IFT122: variants seen among roughly 807,000 people sequenced by gnomAD.
IFT122 encodes intraflagellar transport 122.
A neutral mutation model predicts 161.6 loss-of-function variants in IFT122; 118 were observed. The observed-to-expected ratio is 0.73, with a 90% CI of 0.63 to 0.85. IFT122 has a LOEUF of 0.85. IFT122 is among the 40% of genes least tolerant of loss of function. The pLI, the probability that IFT122 is intolerant of heterozygous loss-of-function variation, is 0.00. For synonymous variants in IFT122, 550 were observed against 602.4 expected, an observed-to-expected ratio of 0.91 and a Z score of 1.27; for missense variants, 1,381 against 1,579.6, an observed-to-expected ratio of 0.87 and a Z score of 2.13.
chr3:129,504,366 C>T lies in IFT122; in HGVS notation c.2595C>T (p.Tyr865=), dbSNP rs748019891. The change falls in exon 21 of 30, where the codon TAC becomes TAT. Residue 865 remains tyrosine (Y), a synonymous_variant. Transcript: ENST00000348417. ...EKHPEFKDDI[Y]MPYAQWLAEN... ...ATCCTGAGTTTAAGGATGACATCTA[C>T]ATGCCGTATGCTCAGTGGCTAGCAG... The T allele has an allele frequency of 1.2e-6, 2 of 1,614,016 alleles. No homozygotes were observed. Among genetic ancestry groups the T allele is most frequent in the African/African-American group, 2.7e-5 (2 of 74,930 alleles).
chr3:129,442,483 G>A (rs992726195), intron 1 of IFT122, among the ~76,000 whole-genome samples: 19 of 151,874 alleles, frequency 1.3e-4, no homozygotes, highest in African/African-American at 4.6e-4. Flanking sequence ...CAACCTATTA[G>A]GATAAGGGAT....
chr3:129,486,326 T>A (rs761164676), intron 15 of IFT122, among the ~76,000 whole-genome samples: 1 of 152,208 alleles, frequency 6.6e-6, no homozygotes, highest in Non-Finnish European at 1.5e-5. Context: ...CTAGAGCAAC[T>A]CATTTCACTC....
At chr3:129,515,340 G>T in intron 25 of IFT122, 148 bp from the exon 26 acceptor site, 1 of 713,922 alleles carries the variant, frequency 1.4e-6, no homozygotes, top group South Asian at 1.5e-5. Flanking sequence ...ATGGCATGGA[G>T]CTCCTGGGCC....
chr3:129,513,944 G>T (rs775404805), intron 24 of IFT122: 2 of 340,674 alleles, frequency 5.9e-6, no homozygotes, highest in Non-Finnish European at 1.2e-5. Flanking sequence ...CAGACAGAGT[G>T]GGGTACACCC....
intron 19 of IFT122, 97 bp from the exon 20 acceptor site, chr3:129,502,614 A>C: frequency 7.3e-7 from 1 of 1,374,376 alleles, no homozygotes; most frequent in Non-Finnish European, 1.0e-6. Flanking sequence ...GGGCCATGGC[A>C]TAGTATCAAC....
intron 27 of IFT122, among the ~76,000 whole-genome samples, chr3:129,517,987 A>G (rs2084210268): frequency 2.6e-5 from 4 of 152,196 alleles, no homozygotes; most frequent in South Asian, 4.1e-4. Context: ...ACAGAGTCCA[A>G]AACTGACAAG....
At position 129,478,209 on chromosome 3, in the gene IFT122, C is replaced by T. The variant is rs1453541953; in HGVS notation, c.1341C>T (p.Ile447=). ...NLLVVCANHI[I]LCQEKRLQCL... Reference sequence around the variant, plus strand: ...TGGTGGTGTGTGCCAATCACATCATCCTGTGCCAGGTGGGCAGCAGCATGT... The same window carrying T: ...TGGTGGTGTGTGCCAATCACATCATTCTGTGCCAGGTGGGCAGCAGCATGT... The change falls in exon 12 of 30, where the codon ATC becomes ATT. Residue 447 remains isoleucine (I), a synonymous_variant. Transcript: ENST00000348417. 6.2e-7 allele frequency: 1 copy of T among 1,613,930 alleles called. No homozygotes were observed. Among genetic ancestry groups the T allele is most frequent in the East Asian group, 2.2e-5 (1 of 44,892 alleles).
At chr3:129,511,602 G>A (rs1277615492) in intron 23 of IFT122, among the ~76,000 whole-genome samples, 1 of 152,210 alleles carries the variant, frequency 6.6e-6, no homozygotes, top group African/African-American at 2.4e-5. Context: ...TTAACCTTTT[G>A]TAGACCCTCA....
intron 6 of IFT122, 106 bp downstream of exon 6, chr3:129,463,732 G>A: frequency 1.1e-6 from 1 of 897,956 alleles, no homozygotes; most frequent in Non-Finnish European, 1.8e-6. Context: ...TAGGTAGTTG[G>A]TTTAGGCCCC....
intron 20 of IFT122, chr3:129,503,907 C>G: frequency 3.0e-6 from 1 of 331,646 alleles, no homozygotes; most frequent in South Asian, 2.5e-5. Context: ...CCATACAGCA[C>G]GAAGCCCACA....
In IFT122 at chr3:129,458,505, AG is replaced by A. The variant is rs1210778408; in HGVS notation, c.194-92del. ...ACTAGGAAAGAAGCTAACACTTACT[AG>A]GTACCTTAAAGAACTAGTTTTCTAA... On this transcript the variant is annotated intron_variant, in intron 3 of 29. Coordinates refer to ENST00000348417, the MANE Select transcript of IFT122 (RefSeq NM_052989.3). 15 of 990,784 alleles carry A rather than the reference AG, an allele frequency of 1.5e-5. No homozygotes were observed. In the African/African-American group the frequency reaches 2.1e-4, roughly 14 times the overall value. 61.4% of individuals were successfully genotyped at this position (990,784 alleles called of 1,614,324 possible). A position where few individuals can be genotyped will look rare whatever the true frequency, so the allele number is the denominator to read the frequency against.
At chr3:129,469,251 G>C in intron 8 of IFT122, 91 bp from the exon 9 acceptor site, 1 of 1,161,960 alleles carries the variant, frequency 8.6e-7, no homozygotes, top group Non-Finnish European at 1.3e-6. Flanking sequence ...CTGAGGCCAG[G>C]ACTTCCTTGT....
chr3:129,499,849 G>A (rs2081327292), intron 18 of IFT122, 53 bp from the exon 19 acceptor site: 4 of 1,605,726 alleles, frequency 2.5e-6, no homozygotes, highest in Non-Finnish European at 2.6e-6. Flanking sequence ...CTGATGTAAC[G>A]CTGGCACAGG....
intron 6 of IFT122, among the ~76,000 whole-genome samples, chr3:129,464,275 A>G (rs1323049842): frequency 6.6e-6 from 1 of 152,204 alleles, no homozygotes; most frequent in Non-Finnish European, 1.5e-5. Context: ...GAAGACACCA[A>G]GTCTGTTCTT....
chr3:129,452,551 T>C (rs536589600), intron 3 of IFT122, among the ~76,000 whole-genome samples: 11 of 152,100 alleles, frequency 7.2e-5, no homozygotes, highest in Admixed American at 7.2e-4. Context: ...GGAAGAGAGC[T>C]CTTTGCAGAG....
chr3:129,495,699 C>T lies in IFT122; in HGVS notation c.2208+92C>T, dbSNP rs1039423117. 33 of 1,396,010 alleles carry T rather than the reference C, an allele frequency of 2.4e-5. No homozygotes were observed. In the African/African-American group the frequency reaches 2.5e-4, roughly 11 times the overall value. 86.5% of individuals were successfully genotyped at this position (1,396,010 alleles called of 1,614,324 possible). A position where few individuals can be genotyped will look rare whatever the true frequency, so the allele number is the denominator to read the frequency against. ...CAAGTTATTTTCCCCAAGAGTGCTG[C>T]GGACAAAAACTAGCAATGGTCTCAG... On this transcript the variant is annotated intron_variant, in intron 18 of 29. Coordinates refer to ENST00000348417, the MANE Select transcript of IFT122 (RefSeq NM_052989.3).
intron 3 of IFT122, chr3:129,452,211 T>C: frequency 1.9e-6 from 1 of 522,524 alleles, no homozygotes; most frequent in South Asian, 2.0e-5. Context: ...GTGCTTGAGT[T>C]ACTTCAGAGA....
At chr3:129,451,553 G>A (rs1353199830) in intron 2 of IFT122, among the ~76,000 whole-genome samples, 1 of 152,204 alleles carries the variant, frequency 6.6e-6, no homozygotes, top group Non-Finnish European at 1.5e-5. Flanking sequence ...ATTTAATCAT[G>A]TTGTAGCTGG....
Position 129,459,609 on chromosome 3 carries a change from T to TTTCC in IFT122, c.272+957_272+960dup, listed in dbSNP as rs57673836. Among the ~76,000 whole-genome samples, 335 of 127,678 alleles carry TTTCC rather than the reference T, an allele frequency of 2.6e-3. 6 individuals carry two copies. Among genetic ancestry groups the TTTCC allele is most frequent in the South Asian group, 0.018 (63 of 3,480 alleles). 83.8% of individuals were successfully genotyped at this position (127,678 alleles called of 152,430 possible). On this transcript the variant is annotated intron_variant, in intron 4 of 29. Transcript: ENST00000348417. The stretch of plus-strand genomic sequence containing the variant: ...CTCACCAATTTTCCTTCCTTCCTTC[T>TTTCC]TTCCTTCCTTCCTTCCTTCCTTCCT...
Sources: allele counts gnomAD v4.1 joint callset (sites outside exome capture counted in the v4.1 genomes callset), GRCh38; gene constraint gnomAD v4.1.1; transcripts MANE v1.5; gene names NCBI Gene and HGNC (gene_info 2026-07-23, HGNC 2026-07-21).